Variants in MBP observed in about 807,000 individuals in gnomAD.
The protein encoded by MBP is Golli-MBP.
MBP carries 16 observed loss-of-function variants against 35.8 expected under a neutral mutation model. The ratio of observed to expected loss-of-function variants is 0.45; its 90% confidence interval spans 0.30 to 0.68. MBP has a LOEUF of 0.68. Ranked by LOEUF, MBP falls within the 30% of genes least tolerant of loss-of-function variation. The pLI, the probability that MBP is intolerant of heterozygous loss-of-function variation, is 0.08. For synonymous variants in MBP, 143 were observed against 159.6 expected (o/e 0.90, Z 0.78); for missense variants, 380 against 404.7 (o/e 0.94, Z 0.52).
At chr18:77,081,781 C>CGTATATATATATGCACACACATATAT (rs1568329849) in intron 2 of MBP, among the ~76,000 whole-genome samples, 1,275 of 50,522 alleles carry the variant, frequency 0.025, 20 homozygotes, top group African/African-American at 0.068. Flanking sequence ...CACACACACA[C>CGTATATATATATGCACACACATATAT]ACACACACAC....
At chr18:76,994,744 G>A (rs1453538615) in intron 4 of MBP, among the ~76,000 whole-genome samples, 1 of 152,122 alleles carries the variant, frequency 6.6e-6, no homozygotes, top group Non-Finnish European at 1.5e-5. Flanking sequence ...GTTTATTGGT[G>A]GTCCTCATAC....
chr18:77,003,360 C>G (rs1265794092), intron 4 of MBP: 1 of 152,336 alleles, frequency 6.6e-6, no homozygotes, highest in East Asian at 1.9e-4. Context: ...GGGACCTCTG[C>G]TGTTCATTTC....
At chr18:77,112,078 A>G (rs1477128382) in intron 1 of MBP, among the ~76,000 whole-genome samples, 1 of 151,928 alleles carries the variant, frequency 6.6e-6, no homozygotes, top group Non-Finnish European at 1.5e-5. Flanking sequence ...TATTTCTCAA[A>G]CCAAAAGTAT....
chr18:77,117,867 C>T (rs867793565), intron 1 of MBP, among the ~76,000 whole-genome samples: 1 of 44,136 alleles, frequency 2.3e-5, no homozygotes, highest in African/African-American at 1.0e-4. Context: ...TGGAGTGGGA[C>T]AGGGGACAGT....
intron 3 of MBP, among the ~76,000 whole-genome samples, chr18:77,028,410 A>G (rs1186075147): frequency 8.6e-6 from 1 of 116,464 alleles, no homozygotes; most frequent in African/African-American, 2.7e-5. Context: ...AGACACGGCA[A>G]CCATCCGATT....
At chr18:77,092,211 C>T (rs1033377539) in intron 2 of MBP, among the ~76,000 whole-genome samples, 15 of 152,266 alleles carry the variant, frequency 9.9e-5, no homozygotes, top group Admixed American at 1.3e-4. Context: ...GTGCGCGGCG[C>T]CTCACATAGG....
rs141023421 is a variant in MBP at position 77,102,804 on chromosome 18, G to A, written c.51+2407C>T. On this transcript the variant is annotated intron_variant, in intron 2 of 8. Transcript: ENST00000355994. The surrounding 1 kb of genome is among the most constrained non-coding windows in gnomAD (Gnocchi z 4.4). ...TACCAACAGTGTTAACAGCCTAGAG[G>A]CCTCTGAGCAGAGCTGTTTTTTCCA... 3.5e-3 allele frequency among the ~76,000 whole-genome samples: 531 copies of A among 152,278 alleles called. 8 individuals are homozygous for A. The highest frequency in any genetic ancestry group is 0.012 in the African/African-American group (487 of 41,544).
chr18:77,124,142 C>A (rs1478531293), intron 1 of MBP, among the ~76,000 whole-genome samples: 1 of 152,210 alleles, frequency 6.6e-6, no homozygotes, highest in African/African-American at 2.4e-5. Flanking sequence ...GTCCCCTGAA[C>A]TGCTGAGAAA....
chr18:77,016,219 G>C, intron 4 of MBP: 1 of 983,452 alleles, frequency 1.0e-6, no homozygotes, highest in Non-Finnish European at 1.2e-6. Context: ...CTAAGACTCT[G>C]TATGCAAATT....
chr18:77,031,339 A>C (rs940002745), intron 3 of MBP, among the ~76,000 whole-genome samples: 1 of 151,844 alleles, frequency 6.6e-6, no homozygotes, highest in Non-Finnish European at 1.5e-5. Context: ...CCTGCTGCCC[A>C]CCCTCTCACA....
chr18:77,071,285 G>A (rs745757729), intron 2 of MBP, among the ~76,000 whole-genome samples: 9 of 152,162 alleles, frequency 5.9e-5, no homozygotes, highest in Non-Finnish European at 1.3e-4. Context: ...TGTTAGACTC[G>A]GAGTCATGGT....
chr18:77,085,903 C>T lies in MBP; in HGVS notation c.51+19308G>A, dbSNP rs551609958. Among the ~76,000 whole-genome samples, 5 of 152,142 alleles carry T rather than the reference C, an allele frequency of 3.3e-5. No homozygotes were observed. The South Asian group carries it at 6.2e-4, about 19-fold the overall frequency. On this transcript the variant is annotated intron_variant, in intron 2 of 8. Coordinates refer to ENST00000355994, the MANE Select transcript of MBP (RefSeq NM_001025101.2). Reference sequence around the variant, plus strand: ...TTCACCATGTTGGCCAGGATGGTCTCGATCTCCTGACCTCGTGATCCACCT... The same window carrying T: ...TTCACCATGTTGGCCAGGATGGTCTTGATCTCCTGACCTCGTGATCCACCT...
At chr18:77,035,660 AG>A (rs35111199) in intron 3 of MBP, among the ~76,000 whole-genome samples, 23,041 of 151,574 alleles carry the variant, frequency 0.15, 1,801 homozygotes, top group East Asian at 0.3. Flanking sequence ...CTGCAGGTGA[AG>A]GGGGGGGGAC....
At chr18:77,041,033 C>G (rs1972969217) in intron 3 of MBP, among the ~76,000 whole-genome samples, 1 of 151,922 alleles carries the variant, frequency 6.6e-6, no homozygotes. Context: ...ATCTACTCAT[C>G]TGAGAAAGGG....
At chr18:77,104,466 C>T (rs1017316612) in intron 2 of MBP, among the ~76,000 whole-genome samples, 3 of 152,188 alleles carry the variant, frequency 2.0e-5, no homozygotes, top group Non-Finnish European at 4.4e-5. Context: ...AAGGAAACAG[C>T]TCAAGTATTT....
intron 4 of MBP, among the ~76,000 whole-genome samples, chr18:76,995,934 C>G (rs115073197): frequency 6.6e-6 from 1 of 152,128 alleles, no homozygotes; most frequent in Non-Finnish European, 1.5e-5. Context: ...TTGCAAATTA[C>G]GTATCTGACA....
At position 77,057,927 on chromosome 18, in the gene MBP, C is replaced by T. The variant is rs1221144277; in HGVS notation, c.139+8371G>A. Among the ~76,000 whole-genome samples, 2 of 19,674 alleles carry T rather than the reference C, an allele frequency of 1.0e-4. 1 individual carries two copies. Among genetic ancestry groups the T allele is most frequent in the Non-Finnish European group, 1.6e-4 (2 of 12,178 alleles). 12.9% of individuals were successfully genotyped at this position (19,674 alleles called of 152,430 possible). On this transcript the variant is annotated intron_variant, in intron 3 of 8. Transcript: ENST00000355994. ...CTGCAAGCTCCGCCTCCCGGGTTCA[C>T]GCCATTCTCCTGCCTCAGCCTCCCG...
intron 2 of MBP, among the ~76,000 whole-genome samples, chr18:77,077,549 A>C (rs1341948005): frequency 6.6e-6 from 1 of 152,112 alleles, no homozygotes; most frequent in Admixed American, 6.5e-5. Flanking sequence ...CTGTTAAAGA[A>C]AAGACACAGC....
chr18:77,121,029 G>T (rs2145219035), intron 1 of MBP, among the ~76,000 whole-genome samples: 2 of 152,380 alleles, frequency 1.3e-5, no homozygotes, highest in African/African-American at 4.8e-5. Context: ...GTTGGGCACA[G>T]TGGCTCACGC....
Sources: allele counts gnomAD v4.1 joint callset (sites outside exome capture counted in the v4.1 genomes callset), GRCh38; gene constraint gnomAD v4.1.1; non-coding constraint Gnocchi (gnomAD v3.1); transcripts MANE v1.5; gene names NCBI Gene and HGNC (gene_info 2026-07-23, HGNC 2026-07-21).